The following ATP8A2 variants were observed in gnomAD, a reference collection of about 807,000 sequenced individuals.
ATP8A2 encodes phospholipid-transporting ATPase IB.
Under a neutral mutation model 165.6 loss-of-function variants are expected in ATP8A2, and 100 were observed. The ratio of observed to expected loss-of-function variants is 0.60; its 90% CI spans 0.51 to 0.71. The LOEUF (loss-of-function observed/expected upper bound fraction) is 0.71. ATP8A2 is among the 30% of genes least tolerant of loss of function. ATP8A2 has a pLI of 0.00. For missense variants in ATP8A2, 1,227 were observed against 1,479.5 expected, an observed-to-expected ratio of 0.83 and a Z score of 2.80; for synonymous variants, 543 against 548.8, an observed-to-expected ratio of 0.99 and a Z score of 0.15.
intron 6 of ATP8A2, 129 bp downstream of exon 6, chr13:25,533,442 G>A: frequency 3.6e-6 from 2 of 561,850 alleles, no homozygotes; most frequent in Non-Finnish European, 6.3e-6. Context: ...GCTGAGACCT[G>A]ATGCGTGTTT....
chr13:25,465,558 A>ATTTT (rs35250359), intron 1 of ATP8A2, among the ~76,000 whole-genome samples: 3 of 140,430 alleles, frequency 2.1e-5, no homozygotes, highest in African/African-American at 7.9e-5. Flanking sequence ...TTTATCAGTG[A>ATTTT]TTTTTTTTTT....
chr13:25,907,751 C>T (rs1953987277), intron 33 of ATP8A2, among the ~76,000 whole-genome samples: 1 of 152,180 alleles, frequency 6.6e-6, no homozygotes, highest in African/African-American at 2.4e-5. Flanking sequence ...CTCCACTCCA[C>T]CCCTGCTTTT....
intron 33 of ATP8A2, among the ~76,000 whole-genome samples, chr13:25,881,908 G>C (rs1401406792): frequency 6.6e-6 from 1 of 152,162 alleles, no homozygotes; most frequent in Non-Finnish European, 1.5e-5. Context: ...AGAGGTCCTG[G>C]GTGATACGCC....
chr13:25,896,898 C>T (rs1176743790), intron 33 of ATP8A2, among the ~76,000 whole-genome samples: 1 of 152,154 alleles, frequency 6.6e-6, no homozygotes. Context: ...AGATCTTTCT[C>T]CATCCCTTTA....
intron 2 of ATP8A2, among the ~76,000 whole-genome samples, chr13:25,491,529 CTGAGTTTACATAG>C (rs1388809551): frequency 6.6e-6 from 1 of 152,094 alleles, no homozygotes. Context: ...TGCCCGACGC[CTGAGTTTACATAG>C]TAGCTATGAA....
chr13:25,805,300 G>A (rs1374684195), intron 27 of ATP8A2, among the ~76,000 whole-genome samples: 3 of 152,058 alleles, frequency 2.0e-5, no homozygotes, highest in Non-Finnish European at 2.9e-5. Context: ...CTTGAGCCTA[G>A]GAGTTCGATA....
In ATP8A2 at chr13:25,533,226, C is replaced by T. The variant is rs546440521; in HGVS notation, c.467-47C>T. 38 of 993,176 alleles carry T rather than the reference C, an allele frequency of 3.8e-5. No individual in the cohort carries two copies. In the East Asian group the frequency reaches 8.7e-4, roughly 23 times the overall value. The allele number at this position is 993,176 out of a possible 1,614,324, so 61.5% of individuals were successfully genotyped here. On this transcript the variant is annotated intron_variant, in intron 5 of 36. Coordinates refer to ENST00000381655, the MANE Select transcript of ATP8A2 (RefSeq NM_016529.6). The stretch of plus-strand genomic sequence containing the variant: ...GCTTTTGGATTTTAGGAAGCTGATT[C>T]AATTTAACACCAGTATTAACCAATA...
At chr13:25,428,706 C>T (rs1014078848) in intron 1 of ATP8A2, among the ~76,000 whole-genome samples, 2 of 152,184 alleles carry the variant, frequency 1.3e-5, no homozygotes, top group African/African-American at 2.4e-5. Context: ...TATAATGGCT[C>T]AAACACGTCA....
chr13:25,400,986 T>C (rs1164335050), intron 1 of ATP8A2, among the ~76,000 whole-genome samples: 1 of 152,050 alleles, frequency 6.6e-6, no homozygotes, highest in Non-Finnish European at 1.5e-5. Flanking sequence ...TAACAGGAAG[T>C]TTTTGTCTAG....
chr13:25,480,254 C>T (rs1453395396), intron 2 of ATP8A2, among the ~76,000 whole-genome samples: 6 of 149,282 alleles, frequency 4.0e-5, no homozygotes, highest in Non-Finnish European at 6.0e-5. Context: ...TGGGCAGAGG[C>T]GCCCCTTACC....
intron 26 of ATP8A2, 105 bp downstream of exon 26, chr13:25,769,334 C>T (rs1362835827): frequency 2.0e-5 from 23 of 1,123,454 alleles, no homozygotes; most frequent in Non-Finnish European, 2.9e-5. Context: ...TCTGCCACCC[C>T]TCTTGAGGTT....
At chr13:25,519,703 C>G (rs1482616801) in intron 2 of ATP8A2, among the ~76,000 whole-genome samples, 1 of 152,164 alleles carries the variant, frequency 6.6e-6, no homozygotes, top group African/African-American at 2.4e-5. Flanking sequence ...AGCTAAAGCC[C>G]CTCCTTGCTG....
intron 24 of ATP8A2, among the ~76,000 whole-genome samples, chr13:25,651,287 A>G (rs1277038566): frequency 1.3e-5 from 2 of 152,168 alleles, no homozygotes; most frequent in East Asian, 3.9e-4. Context: ...TACTAAAAAT[A>G]CAAAAATTAG....
intron 33 of ATP8A2, among the ~76,000 whole-genome samples, chr13:25,878,497 G>C (rs1206550185): frequency 6.6e-6 from 1 of 151,702 alleles, no homozygotes; most frequent in Non-Finnish European, 1.5e-5. Flanking sequence ...TGGGAGTGTA[G>C]CAGTGAGAAT....
chr13:25,415,650 G>A (rs770159145), intron 1 of ATP8A2, among the ~76,000 whole-genome samples: 27 of 152,190 alleles, frequency 1.8e-4, no homozygotes, highest in South Asian at 2.1e-4. Context: ...ACTTGCACAC[G>A]CGCACACTGG....
intron 1 of ATP8A2, 118 bp from the exon 2 acceptor site, chr13:25,468,859 C>T (rs2035751910): frequency 2.0e-6 from 3 of 1,492,564 alleles, no homozygotes; most frequent in East Asian, 5.1e-5. Context: ...GCGGCGTCCG[C>T]CTCACCCGAG....
intron 33 of ATP8A2, among the ~76,000 whole-genome samples, chr13:25,936,430 G>A (rs1164483177): frequency 2.0e-5 from 3 of 152,168 alleles, no homozygotes. Context: ...TGAGAAGTTT[G>A]ATTAAATAAG....
At chr13:25,747,062 A>C (rs1192284667) in intron 25 of ATP8A2, among the ~76,000 whole-genome samples, 1 of 152,154 alleles carries the variant, frequency 6.6e-6, no homozygotes, top group Non-Finnish European at 1.5e-5. Context: ...TCCTGACCTC[A>C]TCCAAGGGTT....
chr13:25,917,093 A>G (rs999976539), intron 33 of ATP8A2, among the ~76,000 whole-genome samples: 2 of 152,176 alleles, frequency 1.3e-5, no homozygotes, highest in Non-Finnish European at 2.9e-5. Context: ...ACTCAGAAGG[A>G]TTGACTCTAG....
Sources: gnomAD v4.1 joint callset for allele counts (sites outside exome capture counted in the v4.1 genomes callset) on GRCh38, gnomAD v4.1.1 for gene constraint, MANE v1.5 for transcripts, NCBI Gene and HGNC (gene_info 2026-07-23, HGNC 2026-07-21) for gene names.